The following PRKG1 variants were observed in gnomAD, a reference collection of about 807,000 sequenced individuals.
PRKG1 encodes the protein cGMP-dependent protein kinase 1.
A neutral mutation model predicts 88.1 loss-of-function variants in PRKG1; 35 were observed. The ratio of observed to expected loss-of-function variants is 0.40; its 90% confidence interval spans 0.30 to 0.53. The LOEUF is 0.53. Among genes scored for constraint, PRKG1 ranks in the 20% least tolerant of loss-of-function variants. The pLI, the probability that PRKG1 is intolerant of heterozygous loss-of-function variation, is 0.59. For missense variants in PRKG1, 540 were observed against 839.8 expected (o/e 0.64, Z 4.41); for synonymous variants, 303 against 292.5 (o/e 1.04, Z -0.37).
At chr10:51,810,409 G>A (rs2132622313) in intron 4 of PRKG1, among the ~76,000 whole-genome samples, 1 of 152,154 alleles carries the variant, frequency 6.6e-6, no homozygotes, top group Middle Eastern at 3.4e-3. Flanking sequence ...CCTCTATGGG[G>A]GCCTTGTAGC....
intron 9 of PRKG1, among the ~76,000 whole-genome samples, chr10:52,203,331 A>G (rs1036495155): frequency 6.6e-6 from 1 of 152,056 alleles, no homozygotes; most frequent in African/African-American, 2.4e-5. Context: ...GTTTTAAGTG[A>G]TCTTCTTAGT....
chr10:51,423,651 A>G (rs944495345), intron 2 of PRKG1, among the ~76,000 whole-genome samples: 1 of 152,190 alleles, frequency 6.6e-6, no homozygotes, highest in African/African-American at 2.4e-5. Flanking sequence ...AATATGAATA[A>G]CAATTGCCAA....
chr10:51,698,277 T>C (rs752100435), intron 3 of PRKG1: 1 of 1,614,066 alleles, frequency 6.2e-7, no homozygotes, highest in Non-Finnish European at 8.5e-7. Flanking sequence ...AAGACCTCAG[T>C]TTCCATGGCA....
rs1214468573 is a variant in PRKG1 at position 51,656,246 on chromosome 10, T to A, written c.593-148339T>A. Among the ~76,000 whole-genome samples, 4 of 152,148 alleles carry A rather than the reference T, an allele frequency of 2.6e-5. No individual in the cohort carries two copies. In the South Asian group the frequency reaches 8.3e-4, roughly 31 times the overall value. ...CTCTTCAGAAATACCAAAATACAGT[T>A]GTATGATGCATTTTTAACCCAGTTA... On this transcript the variant is annotated intron_variant, in intron 3 of 17. Transcript: ENST00000373980.
chr10:52,064,807 C>T (rs747223767), intron 7 of PRKG1, among the ~76,000 whole-genome samples: 2 of 152,166 alleles, frequency 1.3e-5, no homozygotes, highest in Admixed American at 6.5e-5. Flanking sequence ...CAGACCTGGC[C>T]ATACCTCCCT....
intron 1 of PRKG1, among the ~76,000 whole-genome samples, chr10:51,037,136 C>G (rs771381861): frequency 1.1e-4 from 16 of 152,162 alleles, no homozygotes; most frequent in East Asian, 7.8e-4. Flanking sequence ...ATTTTACCAA[C>G]ACCTGAAGGA....
At chr10:52,167,451 C>T (rs796378375) in intron 9 of PRKG1, among the ~76,000 whole-genome samples, 6 of 152,184 alleles carry the variant, frequency 3.9e-5, no homozygotes, top group African/African-American at 1.4e-4. Context: ...CAAACCATAT[C>T]AGCATCTTCA....
chr10:52,205,852 T>C (rs1374244700), intron 9 of PRKG1, among the ~76,000 whole-genome samples: 4 of 152,148 alleles, frequency 2.6e-5, no homozygotes, highest in Admixed American at 2.6e-4. Flanking sequence ...ATTTTTTTTT[T>C]CTTTCATGTC....
chr10:51,411,435 A>G (rs944059378), intron 2 of PRKG1, among the ~76,000 whole-genome samples: 1 of 152,232 alleles, frequency 6.6e-6, no homozygotes, highest in African/African-American at 2.4e-5. Flanking sequence ...AAGAAAAGTT[A>G]CATAATGTTA....
intron 2 of PRKG1, among the ~76,000 whole-genome samples, chr10:51,154,790 T>C (rs904214141): frequency 7.3e-5 from 11 of 151,498 alleles, no homozygotes; most frequent in Admixed American, 3.3e-4. Context: ...CAAAACACAA[T>C]AAACAAAAAT....
chr10:51,130,254 T>C (rs755753907), intron 1 of PRKG1, among the ~76,000 whole-genome samples: 6 of 152,154 alleles, frequency 3.9e-5, no homozygotes, highest in Non-Finnish European at 7.4e-5. Context: ...TTCTAAATAT[T>C]TTCCCAGCCT....
At chr10:51,995,657 C>T (rs544035318) in intron 5 of PRKG1, among the ~76,000 whole-genome samples, 103 of 152,212 alleles carry the variant, frequency 6.8e-4, no homozygotes, top group African/African-American at 2.4e-3. Flanking sequence ...GATGTAAAAA[C>T]AGCACAGACT....
intron 2 of PRKG1, among the ~76,000 whole-genome samples, chr10:51,227,135 A>G (rs1838713958): frequency 6.7e-6 from 1 of 150,150 alleles, no homozygotes; most frequent in Non-Finnish European, 1.5e-5. Flanking sequence ...GAATAATTAT[A>G]TATATTATAA....
chr10:51,685,167 C>T (rs987114161), intron 3 of PRKG1, among the ~76,000 whole-genome samples: 15 of 152,092 alleles, frequency 9.9e-5, no homozygotes, highest in African/African-American at 3.6e-4. Context: ...TACTGTTCGA[C>T]CTTATTACTT....
chr10:51,064,791 C>G (rs1389710520), intron 1 of PRKG1, among the ~76,000 whole-genome samples: 2 of 151,928 alleles, frequency 1.3e-5, no homozygotes, highest in Non-Finnish European at 2.9e-5. Flanking sequence ...ATAATTATTG[C>G]TAATTCCCAA....
chr10:51,526,060 T>A (rs1841876398), intron 3 of PRKG1, among the ~76,000 whole-genome samples: 1 of 152,170 alleles, frequency 6.6e-6, no homozygotes, highest in African/African-American at 2.4e-5. Context: ...CTTCAGATGA[T>A]CTACCTGCCT....
intron 2 of PRKG1, among the ~76,000 whole-genome samples, chr10:51,205,127 CT>C (rs58176913): frequency 0.045 from 2,898 of 64,012 alleles, 241 homozygotes; most frequent in Middle Eastern, 0.08. Context: ...ATTTTCTTTT[CT>C]TTTTTTTTTT....
intron 3 of PRKG1, among the ~76,000 whole-genome samples, chr10:51,577,324 C>T (rs1837914040): frequency 6.6e-6 from 1 of 151,938 alleles, no homozygotes; most frequent in South Asian, 2.1e-4. Context: ...CCATAAAAAG[C>T]AGTAACTCAC....
At chr10:52,280,656 C>A in intron 12 of PRKG1, 133 bp from the exon 13 acceptor site, 1 of 928,864 alleles carries the variant, frequency 1.1e-6, no homozygotes, top group Non-Finnish European at 1.6e-6. Context: ...AATCATGTAA[C>A]ATTTAGCTAG....
Sources: allele counts gnomAD v4.1 joint callset (sites outside exome capture counted in the v4.1 genomes callset), GRCh38; gene constraint gnomAD v4.1.1; transcripts MANE v1.5; gene names NCBI Gene and HGNC (gene_info 2026-07-23, HGNC 2026-07-21).